The following LRP2BP variants were observed in gnomAD, a reference collection of about 807,000 sequenced individuals.
LRP2BP encodes the protein LRP2 binding protein.
In LRP2BP, 38 loss-of-function variants were observed where a neutral mutation model predicts 45.2. The ratio of observed to expected loss-of-function variants is 0.84; its 90% confidence interval spans 0.65 to 1.10. The LOEUF is 1.10. Ranked by LOEUF, LRP2BP falls within the 50% of genes least tolerant of loss-of-function variation. The pLI is 0.00. For missense variants in LRP2BP, 385 were observed against 418.9 expected, an observed-to-expected ratio of 0.92 and a Z score of 0.71; for synonymous variants, 153 against 153.9, an observed-to-expected ratio of 0.99 and a Z score of 0.04.
rs142003599 is a variant in LRP2BP at position 185,388,447 on chromosome 4, G to GCCTACCTACCTATCAATCATCTA, written c.-22+6331_-22+6332insTAGATGATTGATAGGTAGGTAGG. Among the ~76,000 whole-genome samples the GCCTACCTACCTATCAATCATCTA allele has an allele frequency of 1.5e-4, 22 of 149,610 alleles. No individual in the cohort carries two copies. In the South Asian group the frequency reaches 1.9e-3, roughly 13 times the overall value. ...CCTTTTACTATCTATCTACCTATCT[G>GCCTACCTACCTATCAATCATCTA]CCTACCTACCTACCTAACCTGCCTA... On this transcript the variant is annotated intron_variant, in intron 1 of 8. Coordinates refer to ENST00000505916, the MANE Select transcript of LRP2BP (RefSeq NM_001377440.1).
upstream of LRP2BP, chr4:185,397,249 C>T: frequency 6.2e-7 from 1 of 1,614,150 alleles, no homozygotes; most frequent in Non-Finnish European, 8.5e-7. Context: ...AGGAAGCGGC[C>T]TTGCTTGCTT....
intron 1 of LRP2BP, among the ~76,000 whole-genome samples, chr4:185,388,034 G>A (rs1289549425): frequency 6.6e-6 from 1 of 152,206 alleles, no homozygotes; most frequent in Non-Finnish European, 1.5e-5. Context: ...CCTAGGGGAT[G>A]CCCCCGTGGT....
chr4:185,397,251 TG>T (rs1370052565), upstream of LRP2BP: 2 of 1,614,022 alleles, frequency 1.2e-6, no homozygotes, highest in African/African-American at 2.7e-5. Flanking sequence ...GAAGCGGCCT[TG>T]CTTGCTTTCT....
chr4:185,377,986 A>T, intron 2 of LRP2BP, 95 bp downstream of exon 2: 1 of 1,036,122 alleles, frequency 9.7e-7, no homozygotes, highest in South Asian at 1.5e-5. Flanking sequence ...CCTTGAAATC[A>T]ATAAAACACA....
intron 1 of LRP2BP, among the ~76,000 whole-genome samples, chr4:185,380,029 T>G (rs1214016524): frequency 6.6e-6 from 1 of 152,198 alleles, no homozygotes; most frequent in African/African-American, 2.4e-5. Flanking sequence ...CTCCATGTTA[T>G]GCAGGCTGGT....
intron 1 of LRP2BP, among the ~76,000 whole-genome samples, chr4:185,386,028 G>C (rs2095470874): frequency 2.0e-5 from 3 of 152,130 alleles, no homozygotes; most frequent in Non-Finnish European, 2.9e-5. Flanking sequence ...TTTAGAGCAA[G>C]ACAGAGAGAA....
chr4:185,394,828 CT>C lies in LRP2BP; in HGVS notation c.-72del. The C allele has an allele frequency of 1.0e-6, 1 of 985,432 alleles. No homozygotes were observed. Among genetic ancestry groups the C allele is most frequent in the African/African-American group, 1.7e-5 (1 of 57,352 alleles). The allele number at this position is 985,432 out of a possible 1,614,324, so 61.0% of individuals were successfully genotyped here. ...ACTCGCTGTAAATGGCATCCTCGTT[CT>C]GGAAACGCATCTACCAGCAATTAAA... is the stretch of plus-strand genomic sequence containing the variant. On this transcript the variant is annotated 5_prime_UTR_variant, in exon 1 of 9. An upstream open reading frame in the 5' UTR loses its in-frame stop. Coordinates refer to ENST00000505916, the MANE Select transcript of LRP2BP (RefSeq NM_001377440.1).
At chr4:185,372,796 A>G in intron 7 of LRP2BP, 60 bp downstream of exon 7, 1 of 1,397,042 alleles carries the variant, frequency 7.2e-7, no homozygotes, top group Non-Finnish European at 9.9e-7. Flanking sequence ...TCTGTTTCTC[A>G]TAAATTACCT....
In LRP2BP at chr4:185,364,777, C is replaced by T. The variant is rs1263685217; in HGVS notation, c.*2403G>A. The T allele has an allele frequency of 6.6e-6, 1 of 152,000 alleles. No homozygotes were observed. The highest frequency in any genetic ancestry group is 1.5e-5 in the Non-Finnish European group (1 of 67,994). 9.4% of individuals were successfully genotyped at this position (152,000 alleles called of 1,614,324 possible). A position where few individuals can be genotyped will look rare whatever the true frequency, so the allele number is the denominator to read the frequency against. ...TATATAGAAAAGACCAGATAAAATACATTCAAGGAAGAGAGGCAATGTGAA... is the reference window on the plus strand; with the variant it reads ...TATATAGAAAAGACCAGATAAAATATATTCAAGGAAGAGAGGCAATGTGAA... On this transcript the variant is annotated 3_prime_UTR_variant, in exon 9 of 9. Transcript: ENST00000505916.
intron 1 of LRP2BP, among the ~76,000 whole-genome samples, chr4:185,394,288 C>A (rs1397272751): frequency 1.6e-5 from 2 of 127,456 alleles, no homozygotes; most frequent in Non-Finnish European, 3.3e-5. Flanking sequence ...AAAAAAAAGG[C>A]CTTTGGTTTG....
In LRP2BP at chr4:185,370,739, G is replaced by A; in HGVS notation, c.879C>T (p.Gly293=). The A allele has an allele frequency of 1.2e-6, 2 of 1,614,118 alleles. No homozygotes were observed. The highest frequency in any genetic ancestry group is 1.7e-6 in the Non-Finnish European group (2 of 1,180,030). The change falls in exon 8 of 9, where the codon GGC becomes GGT. Residue 293 remains glycine (G), a synonymous_variant. Transcript: ENST00000505916. Reference sequence around the variant, plus strand: ...AGAAGGATGCCATTGCCATGCCTCTGCCGATGAACTCCGGGAGACAGTCTG... The same window carrying A: ...AGAAGGATGCCATTGCCATGCCTCTACCGATGAACTCCGGGAGACAGTCTG... The part of the protein sequence containing the change: ...QVTDCLPEFI[G]RGMAMASFYH...
intron 1 of LRP2BP, among the ~76,000 whole-genome samples, chr4:185,393,206 C>G (rs1233657178): frequency 6.6e-6 from 1 of 152,242 alleles, no homozygotes; most frequent in Non-Finnish European, 1.5e-5. Flanking sequence ...GTTGGGATTA[C>G]AGGCGTGAGC....
chr4:185,379,703 G>A (rs991328696), intron 1 of LRP2BP, among the ~76,000 whole-genome samples: 4 of 152,210 alleles, frequency 2.6e-5, no homozygotes, highest in African/African-American at 7.2e-5. Flanking sequence ...CTCGTTTAAC[G>A]TATGGGGAAA....
chr4:185,396,659 C>G (rs2095504050), upstream of LRP2BP: 5 of 512,546 alleles, frequency 9.8e-6, no homozygotes, highest in Non-Finnish European at 1.7e-5. Flanking sequence ...CCCCCTCCCC[C>G]TGCCCCCGGC....
chr4:185,390,896 T>A (rs2095486659), intron 1 of LRP2BP: 1 of 152,220 alleles, frequency 6.6e-6, no homozygotes, highest in Non-Finnish European at 1.5e-5. Context: ...AACATCACAT[T>A]ATAATAGTAT....
chr4:185,385,151 G>A (rs911179404), intron 1 of LRP2BP, among the ~76,000 whole-genome samples: 2 of 152,118 alleles, frequency 1.3e-5, no homozygotes, highest in Non-Finnish European at 2.9e-5. Flanking sequence ...AATAAAACAG[G>A]CTAAGAAACA....
rs748298376 is a variant in LRP2BP at position 185,367,220 on chromosome 4, G to A, written c.1004C>T (p.Ala335Val). Reference protein sequence around the residue: ...SKACRLNPALADELHSLLIRQ... With the variant: ...SKACRLNPALVDELHSLLIRQ... ...AATAAGTAAGGAGTGAAGTTCATCT[G>A]CCAATGCGGGATTCAGACGACAAGC... Residue 335 changes from alanine to valine, a missense_variant, in exon 9 of 9, where the codon GCA (alanine) becomes GTA (valine). Transcript: ENST00000505916. The A allele has an allele frequency of 1.2e-6, 2 of 1,612,334 alleles. No homozygotes were observed. The highest frequency in any genetic ancestry group is 1.7e-6 in the Non-Finnish European group (2 of 1,178,888).
chr4:185,375,487 A>AATATGT (rs2095431463), intron 4 of LRP2BP, 126 bp downstream of exon 4: 3 of 12,012 alleles, frequency 2.5e-4, no homozygotes, highest in South Asian at 5.6e-3. Context: ...AAAAAAAAAA[A>AATATGT]ATATATATAT....
In LRP2BP at chr4:185,378,227, A is replaced by G. The variant is rs1345061298; in HGVS notation, c.-21-20T>C. ...TGTATTCTATAAGCAAGAAGAAAAAATAAGTGGTAGAAATTTCTTCCTCCA... is the reference window on the plus strand; with the variant it reads ...TGTATTCTATAAGCAAGAAGAAAAAGTAAGTGGTAGAAATTTCTTCCTCCA... On this transcript the variant is annotated intron_variant, in intron 1 of 8. Transcript: ENST00000505916. 6.2e-7 allele frequency: 1 copy of G among 1,603,750 alleles called. No individual in the cohort carries two copies. Among genetic ancestry groups the G allele is most frequent in the Admixed American group, 1.8e-5 (1 of 56,972 alleles).
Sources: allele counts gnomAD v4.1 joint callset (sites outside exome capture counted in the v4.1 genomes callset), GRCh38; gene constraint gnomAD v4.1.1; transcripts MANE v1.5; gene names NCBI Gene and HGNC (gene_info 2026-07-23, HGNC 2026-07-21).